STK10: variants seen among roughly 807,000 people sequenced by gnomAD.
STK10 encodes the protein serine/threonine-protein kinase 10.
In STK10, 78 loss-of-function variants were observed where a neutral mutation model predicts 113.8. The ratio of observed to expected loss-of-function variants is 0.69; its 90% CI spans 0.57 to 0.83. The LOEUF is 0.83. STK10 is among the 40% of genes least tolerant of loss of function. STK10 has a pLI of 0.00. For missense variants in STK10, 1,109 were observed against 1,280.1 expected (o/e 0.87, Z 2.04); for synonymous variants, 465 against 494.7 (o/e 0.94, Z 0.80).
chr5:172,156,875 T>A, intron 1 of STK10, 87 bp from the exon 2 acceptor site: 1 of 1,477,450 alleles, frequency 6.8e-7, no homozygotes, highest in South Asian at 1.3e-5. Context: ...TGCATGAGTG[T>A]GAAAACAGAG....
At chr5:172,065,046 G>C (rs1768039943) in intron 12 of STK10, among the ~76,000 whole-genome samples, 1 of 152,180 alleles carries the variant, frequency 6.6e-6, no homozygotes, top group Non-Finnish European at 1.5e-5. Context: ...GGCAGGTGCT[G>C]TTTTCAGCAG....
Position 172,096,476 on chromosome 5 carries a change from C to A in STK10, c.955G>T (p.Glu319Ter), listed in dbSNP as rs1228601344. Residue 319 changes from glutamate to a stop codon, truncating the protein, a stop_gained, in exon 8 of 19, where the codon GAA becomes TAA. Transcript: ENST00000176763. LOFTEE classifies it high-confidence loss of function. ...EAKAEVMEEI[E>*]DGRDEGEEED... ...TCTTCCCCCTCATCCCGGCCGTCTTCGATCTCTTCCATCACCTCGGCCTTG... is the reference window on the plus strand; with the variant it reads ...TCTTCCCCCTCATCCCGGCCGTCTTAGATCTCTTCCATCACCTCGGCCTTG... 1 of 1,613,680 alleles carries A rather than the reference C, an allele frequency of 6.2e-7. No homozygotes were observed. The highest frequency in any genetic ancestry group is 1.7e-5 in the Admixed American group (1 of 60,030).
Position 172,055,492 on chromosome 5 carries a change from T to C in STK10, c.2526+96A>G, listed in dbSNP as rs553953649. On this transcript the variant is annotated intron_variant, in intron 16 of 18. Coordinates refer to ENST00000176763, the MANE Select transcript of STK10 (RefSeq NM_005990.4). ...GACGTGAGCCAGCCTGCATCTTGTT[T>C]CATATTCTCCAAAACTGTATAAGGC... The C allele has an allele frequency of 3.3e-6, 4 of 1,210,606 alleles. No homozygotes were observed. In the African/African-American group the frequency reaches 6.3e-5, roughly 19 times the overall value. 75.0% of individuals were successfully genotyped at this position (1,210,606 alleles called of 1,614,324 possible).
At position 172,096,444 on chromosome 5, in the gene STK10, G is replaced by A. The variant is rs951521753; in HGVS notation, c.987C>T (p.Asp329=). The A allele has an allele frequency of 2.5e-5, 40 of 1,612,768 alleles. No homozygotes were observed. The Admixed American group carries it at 2.7e-4, about 11-fold the overall frequency. Residue 329 remains aspartate, a synonymous_variant, in exon 8 of 19, where the codon GAC becomes GAT. Coordinates refer to ENST00000176763, the MANE Select transcript of STK10 (RefSeq NM_005990.4). The part of the protein sequence containing the change: ...EDGRDEGEEE[D]AVDAASTLEN... ...GCCTTACGGAGGCGGCATCCACGGCGTCCTCCTCTTCCCCCTCATCCCGGC... is the reference window on the plus strand; with the variant it reads ...GCCTTACGGAGGCGGCATCCACGGCATCCTCCTCTTCCCCCTCATCCCGGC...
chr5:172,159,263 G>A (rs1167146912), intron 1 of STK10, among the ~76,000 whole-genome samples: 1 of 152,196 alleles, frequency 6.6e-6, no homozygotes, highest in African/African-American at 2.4e-5. Context: ...CACATGGCCA[G>A]GCACGGTGGC....
rs1283277323 is a variant in STK10 at position 172,119,706 on chromosome 5, T to C, written c.371-2076A>G. ...GGTGAAACCCCGTCTCTACTAAAAA[T>C]ACAAAAAATTAGCCGGGCGTAGTGG... On this transcript the variant is annotated intron_variant, in intron 3 of 18. Transcript: ENST00000176763. 2.8e-5 allele frequency among the ~76,000 whole-genome samples: 4 copies of C among 144,488 alleles called. 1 individual carries two copies. The highest frequency in any genetic ancestry group is 1.1e-4 in the African/African-American group (4 of 36,734). The allele number at this position is 144,488 out of a possible 152,430, so 94.8% of individuals were successfully genotyped here. A position where few individuals can be genotyped will look rare whatever the true frequency, so the allele number is the denominator to read the frequency against.
chr5:172,060,327 A>G (rs1767905615), intron 14 of STK10, among the ~76,000 whole-genome samples: 1 of 152,190 alleles, frequency 6.6e-6, no homozygotes, highest in Non-Finnish European at 1.5e-5. Context: ...GGACTGCTTG[A>G]GCCTCAGAGG....
In STK10 at chr5:172,053,999, C is replaced by T. The variant is rs142597792; in HGVS notation, c.2652+570G>A. 4.1e-3 allele frequency among the ~76,000 whole-genome samples: 631 copies of T among 152,330 alleles called. 4 individuals carry two copies. The highest frequency in any genetic ancestry group is 0.017 in the Middle Eastern group (5 of 294). ...AGCCGTGCCGGGCAGGCCTCAACAC[C>T]TGGAATGTTTCCTCCATGCCTCCCC... On this transcript the variant is annotated intron_variant, in intron 17 of 18. Transcript: ENST00000176763.
intron 1 of STK10, among the ~76,000 whole-genome samples, chr5:172,181,894 A>G (rs1770862422): frequency 6.6e-6 from 1 of 152,232 alleles, no homozygotes; most frequent in Non-Finnish European, 1.5e-5. Flanking sequence ...TCAAAAGTCT[A>G]GAAGGAAATA....
chr5:172,117,054 A>G lies in STK10; in HGVS notation c.520+427T>C, dbSNP rs564353005. 7.9e-5 allele frequency among the ~76,000 whole-genome samples: 12 copies of G among 151,884 alleles called. No homozygotes were observed. In the South Asian group the frequency reaches 8.3e-4, roughly 11 times the overall value. On this transcript the variant is annotated intron_variant, in intron 4 of 18. Transcript: ENST00000176763. ...AGCATTTTGGGAGGCCAAGGCGGGC[A>G]GATCACTTGAGATGAGGAGTTCGAG...
intron 7 of STK10, among the ~76,000 whole-genome samples, chr5:172,099,642 AACCAAG>A (rs1768937895): frequency 7.9e-6 from 1 of 126,260 alleles, no homozygotes; most frequent in African/African-American, 5.6e-5. Flanking sequence ...CAAAGGTGAG[AACCAAG>A]ATCCCAAAGG....
intron 2 of STK10, among the ~76,000 whole-genome samples, chr5:172,134,745 C>CAAAAAA (rs33933488): frequency 0.067 from 8,807 of 131,884 alleles, 966 homozygotes; most frequent in African/African-American, 0.23. Flanking sequence ...CTCATATTTA[C>CAAAAAA]AAAAAAAAAA....
intron 1 of STK10, among the ~76,000 whole-genome samples, chr5:172,164,208 A>G (rs1357208488): frequency 2.3e-5 from 3 of 128,134 alleles, no homozygotes; most frequent in African/African-American, 9.4e-5. Context: ...GCGAAACTCC[A>G]TCTAAAAAAA....
At chr5:172,162,962 G>A (rs559375589) in intron 1 of STK10, among the ~76,000 whole-genome samples, 2 of 152,302 alleles carry the variant, frequency 1.3e-5, no homozygotes, top group South Asian at 2.1e-4. Flanking sequence ...AGGCACGCCC[G>A]CTACCCAGCA....
intron 4 of STK10, among the ~76,000 whole-genome samples, chr5:172,110,277 T>A (rs1392001591): frequency 6.6e-6 from 1 of 152,034 alleles, no homozygotes; most frequent in Non-Finnish European, 1.5e-5. Context: ...GAGGGGACGG[T>A]CATGGAGGGA....
At chr5:172,051,143 T>C (rs1305293728) in intron 18 of STK10, among the ~76,000 whole-genome samples, 1 of 152,088 alleles carries the variant, frequency 6.6e-6, no homozygotes, top group African/African-American at 2.4e-5. Context: ...GCTCCAGCCA[T>C]GATCCTGTAA....
intron 1 of STK10, among the ~76,000 whole-genome samples, chr5:172,171,452 A>T (rs995872733): frequency 6.6e-6 from 1 of 152,160 alleles, no homozygotes; most frequent in African/African-American, 2.4e-5. Flanking sequence ...GGTGGCTCAA[A>T]TGTGTAATCC....
intron 6 of STK10, among the ~76,000 whole-genome samples, chr5:172,106,176 C>T (rs1341329879): frequency 2.6e-5 from 4 of 151,708 alleles, no homozygotes; most frequent in Non-Finnish European, 4.4e-5. Context: ...TTTGGGAGGC[C>T]GAGGCAGACG....
intron 2 of STK10, among the ~76,000 whole-genome samples, chr5:172,143,057 G>A (rs975258708): frequency 5.3e-5 from 8 of 152,214 alleles, no homozygotes; most frequent in South Asian, 2.1e-4. Flanking sequence ...CTTTTACAGC[G>A]TATAGGCAGT....
Sources: allele counts gnomAD v4.1 joint callset (sites outside exome capture counted in the v4.1 genomes callset), GRCh38; gene constraint gnomAD v4.1.1; transcripts MANE v1.5; gene names NCBI Gene and HGNC (gene_info 2026-07-23, HGNC 2026-07-21).